Variants in JPH1 observed in about 807,000 individuals in gnomAD.
The protein encoded by JPH1 is junctophilin 1.
A neutral mutation model predicts 53.6 loss-of-function variants in JPH1; 12 were observed. The ratio of observed to expected loss-of-function variants is 0.22; its 90% CI spans 0.14 to 0.36. The LOEUF is 0.36. Among genes scored for constraint, JPH1 ranks in the 10% least tolerant of loss-of-function variants. JPH1 has a pLI of 1.00. For missense variants in JPH1, 808 were observed against 905.5 expected, an observed-to-expected ratio of 0.89 and a Z score of 1.38; for synonymous variants, 375 against 363.8, an observed-to-expected ratio of 1.03 and a Z score of -0.35.
chr8:74,279,996 G>T (rs995701392), intron 2 of JPH1, among the ~76,000 whole-genome samples: 1 of 151,968 alleles, frequency 6.6e-6, no homozygotes, highest in Non-Finnish European at 1.5e-5. Context: ...GAATTTTTTT[G>T]CTTTGGTAAA....
At chr8:74,249,213 T>C (rs935664224) in intron 3 of JPH1, among the ~76,000 whole-genome samples, 53 of 152,140 alleles carry the variant, frequency 3.5e-4, no homozygotes, top group Non-Finnish European at 2.9e-4. Flanking sequence ...AGAAGCACCA[T>C]AAAGATTCCC....
rs564485175 is a variant in JPH1 at position 74,319,063 on chromosome 8, T to A, written c.379+1846A>T. On this transcript the variant is annotated intron_variant, in intron 1 of 5. Transcript: ENST00000342232. ...TGATGCCAAGTTTTAAGTTTTTTTT[T>A]AAGTTTATTTTAAAACTGAAGGCAG... Among the ~76,000 whole-genome samples, 214 of 152,230 alleles carry A rather than the reference T, an allele frequency of 1.4e-3. 2 individuals are homozygous for A. The highest frequency in any genetic ancestry group is 4.8e-3 in the African/African-American group (201 of 41,540).
At chr8:74,319,236 G>A (rs1808245589) in intron 1 of JPH1, among the ~76,000 whole-genome samples, 1 of 152,048 alleles carries the variant, frequency 6.6e-6, no homozygotes, top group Non-Finnish European at 1.5e-5. Flanking sequence ...ATCTTTAAAA[G>A]GAGACGATTT....
At chr8:74,244,069 A>G (rs1208100374) in intron 4 of JPH1, among the ~76,000 whole-genome samples, 1 of 152,212 alleles carries the variant, frequency 6.6e-6, no homozygotes, top group Non-Finnish European at 1.5e-5. Context: ...GCTAGAGGAG[A>G]CGTTCTTTTG....
chr8:74,266,941 T>C (rs1806550286), intron 2 of JPH1, among the ~76,000 whole-genome samples: 1 of 152,224 alleles, frequency 6.6e-6, no homozygotes, highest in Non-Finnish European at 1.5e-5. Context: ...CAGACTTATG[T>C]GTGTTTCTCT....
chr8:74,287,437 C>G (rs907705701), intron 2 of JPH1, among the ~76,000 whole-genome samples: 4 of 151,440 alleles, frequency 2.6e-5, no homozygotes, highest in Admixed American at 2.0e-4. Flanking sequence ...AAAAAAATTA[C>G]TGTGAGTTAA....
intron 2 of JPH1, among the ~76,000 whole-genome samples, chr8:74,292,273 T>C (rs1807351928): frequency 6.6e-6 from 1 of 152,208 alleles, no homozygotes; most frequent in Non-Finnish European, 1.5e-5. Flanking sequence ...ATGTGGAATG[T>C]TCCACTACTA....
chr8:74,286,661 T>C (rs917668188), intron 2 of JPH1, among the ~76,000 whole-genome samples: 1 of 152,258 alleles, frequency 6.6e-6, no homozygotes. Context: ...TGTAACTCTA[T>C]AAAACATATA....
chr8:74,296,211 G>A (rs556733413), intron 2 of JPH1, among the ~76,000 whole-genome samples: 1 of 152,240 alleles, frequency 6.6e-6, no homozygotes, highest in South Asian at 2.1e-4. Context: ...TCCCGTGCAA[G>A]GTATAGAAAA....
rs1805815111 is a variant in JPH1, at chr8:74,245,023, T to G, written c.1411A>C (p.Lys471Gln). The stretch of plus-strand genomic sequence containing the variant: ...GAGGAAGCAGGAGAGTGGCTGTGTT[T>G]GGGACTTGCCTCAGGAGATCTTGGG... Reference protein sequence around the residue: ...TPPRSPEASPKHSHSPASSPK... With the variant: ...TPPRSPEASPQHSHSPASSPK... Residue 471 changes from lysine to glutamine, a missense_variant, in exon 4 of 6, where the codon AAA becomes CAA. Lys to Gln is a moderately conservative substitution (Grantham distance 53). Coordinates refer to ENST00000342232, the MANE Select transcript of JPH1 (RefSeq NM_020647.4). 1 of 1,613,914 alleles carries G rather than the reference T, an allele frequency of 6.2e-7. No individual in the cohort carries two copies. The highest frequency in any genetic ancestry group is 1.3e-5 in the African/African-American group (1 of 74,874).
At chr8:74,285,044 C>G (rs1445632966) in intron 2 of JPH1, among the ~76,000 whole-genome samples, 3 of 152,150 alleles carry the variant, frequency 2.0e-5, no homozygotes, top group Non-Finnish European at 2.9e-5. Flanking sequence ...AGGCTGGTCT[C>G]GAACTCCTGA....
intron 2 of JPH1, among the ~76,000 whole-genome samples, chr8:74,264,951 G>T (rs774996544): frequency 6.6e-6 from 1 of 152,132 alleles, no homozygotes; most frequent in Non-Finnish European, 1.5e-5. Flanking sequence ...CTACGGGATC[G>T]ATTGTTTCTC....
chr8:74,312,545 T>C (rs755430887), intron 2 of JPH1, among the ~76,000 whole-genome samples: 81 of 152,244 alleles, frequency 5.3e-4, no homozygotes, highest in Admixed American at 4.4e-3. Flanking sequence ...CCATAGCACC[T>C]GACCTTGACA....
intron 2 of JPH1, among the ~76,000 whole-genome samples, chr8:74,262,435 T>G (rs1432445107): frequency 6.6e-6 from 1 of 152,144 alleles, no homozygotes; most frequent in Non-Finnish European, 1.5e-5. Context: ...TCTGGAGAGA[T>G]AAGCTGAAAC....
intron 2 of JPH1, among the ~76,000 whole-genome samples, chr8:74,312,967 C>A (rs1272486331): frequency 2.6e-5 from 4 of 152,188 alleles, no homozygotes; most frequent in African/African-American, 9.7e-5. Flanking sequence ...CCCCAAAAGA[C>A]TTGCAACAGA....
chr8:74,241,028 C>T (rs1805677234), intron 4 of JPH1, among the ~76,000 whole-genome samples: 1 of 152,082 alleles, frequency 6.6e-6, no homozygotes, highest in African/African-American at 2.4e-5. Flanking sequence ...GTGCTTTATC[C>T]AAAATGAAAA....
rs530442665 is a variant in JPH1 at position 74,254,726 on chromosome 8, C to T, written c.1258+4659G>A. On this transcript the variant is annotated intron_variant, in intron 3 of 5. Coordinates refer to ENST00000342232, the MANE Select transcript of JPH1 (RefSeq NM_020647.4). ...GGATACAAAATCAATGTACAAAAAT[C>T]ACAAGCATTCTTATACACCAATAAC... Among the ~76,000 whole-genome samples the T allele has an allele frequency of 2.7e-3, 414 of 152,208 alleles. 4 individuals are homozygous for T. The highest frequency in any genetic ancestry group is 9.3e-3 in the African/African-American group (386 of 41,452).
At chr8:74,275,143 TA>T (rs934866889) in intron 2 of JPH1, among the ~76,000 whole-genome samples, 2 of 152,016 alleles carry the variant, frequency 1.3e-5, no homozygotes, top group Admixed American at 6.6e-5. Flanking sequence ...AATGTTAAGT[TA>T]AAAAAAAGTC....
At chr8:74,274,519 G>T (rs1806793586) in intron 2 of JPH1, among the ~76,000 whole-genome samples, 1 of 152,096 alleles carries the variant, frequency 6.6e-6, no homozygotes, top group Admixed American at 6.6e-5. Context: ...AAGAACATTT[G>T]GTTCTAAGCT....
Sources: allele counts gnomAD v4.1 joint callset (sites outside exome capture counted in the v4.1 genomes callset), GRCh38; gene constraint gnomAD v4.1.1; transcripts MANE v1.5; gene names NCBI Gene and HGNC (gene_info 2026-07-23, HGNC 2026-07-21).